Variants in COPB1 observed in about 807,000 individuals in gnomAD.
COPB1 encodes the protein coatomer subunit beta.
A neutral mutation model predicts 108.7 loss-of-function variants in COPB1; 21 were observed. That is an observed-to-expected ratio of 0.19 (90% confidence interval 0.14 to 0.28). The LOEUF (loss-of-function observed/expected upper bound fraction) is 0.28. COPB1 is among the 10% of genes least tolerant of loss of function. The probability of loss-of-function intolerance (pLI) is 1.00; values close to 1 mark genes in which losing one functional copy is unlikely to be tolerated. For missense variants in COPB1, 919 were observed against 1,141.3 expected, an observed-to-expected ratio of 0.81 and a Z score of 2.81; for synonymous variants, 378 against 386.8, an observed-to-expected ratio of 0.98 and a Z score of 0.27.
At chr11:14,461,393 TAATATCCA>T in intron 18 of COPB1, 62 bp from the exon 19 acceptor site, 9 of 1,552,870 alleles carry the variant, frequency 5.8e-6, no homozygotes, top group Non-Finnish European at 7.0e-6. Flanking sequence ...TAAAAAATCT[TAATATCCA>T]AATATCCAAA....
chr11:14,485,045 G>GT (rs1348830114), intron 7 of COPB1, among the ~76,000 whole-genome samples: 1 of 152,162 alleles, frequency 6.6e-6, no homozygotes, highest in Non-Finnish European at 1.5e-5. Flanking sequence ...GGGTCTCACT[G>GT]TTTCACCTAG....
intron 16 of COPB1, among the ~76,000 whole-genome samples, chr11:14,468,478 C>T (rs1412745186): frequency 1.3e-5 from 2 of 152,154 alleles, no homozygotes; most frequent in East Asian, 1.9e-4. Context: ...ACAACTGGAT[C>T]GAGTTAAACC....
At chr11:14,458,786 C>CA (rs1239487754) in intron 20 of COPB1, 99 bp from the exon 21 acceptor site, 2 of 1,025,516 alleles carry the variant, frequency 2.0e-6, no homozygotes, top group African/African-American at 1.8e-5. Context: ...TTTTTTGAGA[C>CA]AGAGTCTCAC....
In COPB1 at chr11:14,458,537, T is replaced by C; in HGVS notation, c.2797A>G (p.Ser933Gly). ...VTGHIRIRAK[S>G]QGMALSLGDK... is the part of the protein sequence containing the mutation. ...AAAAAAAAAGGAACTGTTACCTGGC[T>C]CTTTGCACGAATTCTTATATGGCCG... The change falls in exon 21 of 22, where the codon AGC (serine) becomes GGC (glycine). Residue 933 changes from serine to glycine, a missense_variant. Physicochemically the swap from Ser to Gly is moderately conservative, Grantham distance 56. Around this residue, in one of 5 missense-constraint regions of COPB1, gnomAD observed 705 missense variants for 817.8 expected, o/e 0.86. Coordinates refer to ENST00000439561, the MANE Select transcript of COPB1 (RefSeq NM_001144061.2). 1 of 1,608,576 alleles carries C rather than the reference T, an allele frequency of 6.2e-7. No individual in the cohort carries two copies. The highest frequency in any genetic ancestry group is 8.5e-7 in the Non-Finnish European group (1 of 1,178,370).
chr11:14,482,802 C>T (rs1252473447), intron 8 of COPB1, among the ~76,000 whole-genome samples: 1 of 152,166 alleles, frequency 6.6e-6, no homozygotes, highest in Non-Finnish European at 1.5e-5. Context: ...TCCCAAAGTG[C>T]TGGGATTACA....
intron 21 of COPB1, 82 bp downstream of exon 21, chr11:14,458,450 C>G (rs1484944614): frequency 3.8e-6 from 5 of 1,331,306 alleles, no homozygotes; most frequent in Non-Finnish European, 5.1e-6. Context: ...TAAAAAGATA[C>G]TACATATAGA....
chr11:14,468,599 C>A (rs1850334127), intron 16 of COPB1, 82 bp downstream of exon 16: 4 of 1,354,666 alleles, frequency 3.0e-6, no homozygotes, highest in African/African-American at 1.5e-5. Context: ...AAATAGTTAT[C>A]TTTCTTTTAA....
At chr11:14,459,452 C>T (rs1285775814) in intron 20 of COPB1, among the ~76,000 whole-genome samples, 1 of 151,748 alleles carries the variant, frequency 6.6e-6, no homozygotes, top group East Asian at 1.9e-4. Flanking sequence ...CTTAGAGCTC[C>T]AGCTTCATTT....
intron 2 of COPB1, 139 bp downstream of exon 2, chr11:14,498,699 A>AT: frequency 1.7e-6 from 1 of 600,992 alleles, no homozygotes; most frequent in Non-Finnish European, 2.8e-6. Context: ...CATTTTTAAT[A>AT]AAAGGTCTAT....
chr11:14,466,188 G>A, intron 17 of COPB1, 94 bp downstream of exon 17: 1 of 1,218,860 alleles, frequency 8.2e-7, no homozygotes, highest in Non-Finnish European at 1.1e-6. Flanking sequence ...AAAGGTTCAA[G>A]AGAATTTTTA....
Position 14,466,431 on chromosome 11 carries a change from C to G in COPB1, c.2146-5G>C. ...GAAACCTGTCAATTGGGTGACCTGT[C>G]AAAACAAAAACAAAGACATAATCAA... is the stretch of plus-strand genomic sequence containing the variant. On this transcript the variant is annotated splice_region_variant and splice_polypyrimidine_tract_variant and intron_variant, in intron 16 of 21. Coordinates refer to ENST00000439561, the MANE Select transcript of COPB1 (RefSeq NM_001144061.2). The G allele has an allele frequency of 1.2e-6, 2 of 1,606,710 alleles. No homozygotes were observed. The highest frequency in any genetic ancestry group is 1.7e-6 in the Non-Finnish European group (2 of 1,177,372).
chr11:14,467,909 G>A (rs964103919), intron 16 of COPB1, among the ~76,000 whole-genome samples: 23 of 152,144 alleles, frequency 1.5e-4, no homozygotes, highest in Admixed American at 3.9e-4. Context: ...TAGGAATGAC[G>A]AGTTATTGTT....
chr11:14,461,024 A>G (rs1226429605), intron 19 of COPB1, among the ~76,000 whole-genome samples, 162 bp downstream of exon 19: 1 of 152,210 alleles, frequency 6.6e-6, no homozygotes. Context: ...AACTACTTAC[A>G]TGATTTTTAG....
intron 18 of COPB1, among the ~76,000 whole-genome samples, chr11:14,464,350 T>C (rs1222485718): frequency 6.6e-6 from 1 of 152,228 alleles, no homozygotes; most frequent in Non-Finnish European, 1.5e-5. Flanking sequence ...GTACTTACCA[T>C]TACATACTGC....
intron 2 of COPB1, among the ~76,000 whole-genome samples, chr11:14,498,607 T>C (rs1468761322): frequency 1.3e-5 from 2 of 152,182 alleles, no homozygotes; most frequent in Non-Finnish European, 2.9e-5. Flanking sequence ...TTGAGGAATA[T>C]CTAAACTATT....
At chr11:14,462,233 C>CTTTT (rs928263474) in intron 18 of COPB1, among the ~76,000 whole-genome samples, 2 of 134,198 alleles carry the variant, frequency 1.5e-5, no homozygotes, top group Non-Finnish European at 3.3e-5. Context: ...CTTTTCTTTT[C>CTTTT]TTTTTTTTTT....
At chr11:14,476,548 C>G (rs1850524342) in intron 12 of COPB1, among the ~76,000 whole-genome samples, 1 of 152,148 alleles carries the variant, frequency 6.6e-6, no homozygotes, top group Admixed American at 6.5e-5. Flanking sequence ...AACTTATATT[C>G]AAGGTCCTCC....
In COPB1 at chr11:14,480,861, C is replaced by T; in HGVS notation, c.1110G>A (p.Val370=). ...ATTTGTCAGTATCTTCATGCTCAGA[C>T]ACATTATTTGTTTTTATCACTTCCT... is the stretch of plus-strand genomic sequence containing the variant. ...LKKEVIKTNN[V]SEHEDTDKYR... The change falls in exon 10 of 22, where the codon GTG becomes GTA. Residue 370 remains valine (V), a synonymous_variant. Coordinates refer to ENST00000439561, the MANE Select transcript of COPB1 (RefSeq NM_001144061.2). 6.2e-7 allele frequency: 1 copy of T among 1,613,990 alleles called. No homozygotes were observed. The highest frequency in any genetic ancestry group is 1.1e-5 in the South Asian group (1 of 91,080).
Position 14,458,666 on chromosome 11 carries a change from A to T in COPB1, c.2668T>A (p.Phe890Ile). 2 of 1,612,606 alleles carry T rather than the reference A, an allele frequency of 1.2e-6. No homozygotes were observed. The highest frequency in any genetic ancestry group is 1.7e-6 in the Non-Finnish European group (2 of 1,179,500). ...PEKALSGYCG[F>I]MAANLYARSI... ...CGAGCATAAAGGTTGGCTGCCATAA[A>T]GCCACAGTAACCAGAAAGGGCCTGG... The change falls in exon 21 of 22, where the codon TTT (phenylalanine) becomes ATT (isoleucine). Residue 890 changes from phenylalanine (F) to isoleucine (I), a missense_variant. Physicochemically the swap from Phe to Ile is conservative, Grantham distance 21 (BLOSUM62 0). Coordinates refer to ENST00000439561, the MANE Select transcript of COPB1 (RefSeq NM_001144061.2).
Sources: allele counts gnomAD v4.1 joint callset (sites outside exome capture counted in the v4.1 genomes callset), GRCh38; gene constraint gnomAD v4.1.1; regional missense constraint gnomAD v4.1.1; transcripts MANE v1.5; gene names NCBI Gene and HGNC (gene_info 2026-07-23, HGNC 2026-07-21).